Variants in PMFBP1 observed in about 807,000 individuals in gnomAD.
PMFBP1 encodes polyamine modulated factor 1 binding protein 1.
In PMFBP1, 131 loss-of-function variants were observed where a neutral mutation model predicts 137.8. The observed-to-expected ratio is 0.95, with a 90% CI of 0.82 to 1.10. The LOEUF (loss-of-function observed/expected upper bound fraction) is 1.10. Among genes scored for constraint, PMFBP1 ranks in the 50% least tolerant of loss-of-function variants. The pLI is 0.00. For synonymous variants in PMFBP1, 490 were observed against 450.4 expected, an observed-to-expected ratio of 1.09 and a Z score of -1.11; for missense variants, 1,199 against 1,175.4, an observed-to-expected ratio of 1.02 and a Z score of -0.29.
the PMFBP1 span, among the ~76,000 whole-genome samples, chr16:72,201,996 A>T: frequency 6.6e-6 from 1 of 152,188 alleles, no homozygotes; most frequent in African/African-American, 2.4e-5. Flanking sequence ...CTACCTTGTA[A>T]TAGAGTTATT....
the PMFBP1 span, among the ~76,000 whole-genome samples, chr16:72,222,733 T>C: frequency 1.3e-5 from 2 of 152,224 alleles, no homozygotes; most frequent in African/African-American, 4.8e-5. Context: ...ATAGTATTAG[T>C]ACTTACCTTG....
At chr16:72,186,301 C>T in the PMFBP1 span, among the ~76,000 whole-genome samples, 4 of 152,304 alleles carry the variant, frequency 2.6e-5, no homozygotes, top group East Asian at 5.8e-4. Context: ...TTCCAAATGG[C>T]TTCTGCTATT....
At chr16:72,249,537 C>T in the PMFBP1 span, among the ~76,000 whole-genome samples, 3 of 151,816 alleles carry the variant, frequency 2.0e-5, no homozygotes, top group Admixed American at 1.3e-4. Flanking sequence ...TAATTATTTA[C>T]TGGCACCTAC....
Position 72,138,688 on chromosome 16 carries a change from G to A in PMFBP1, c.918+601C>T, listed in dbSNP as rs541586559. On this transcript the variant is annotated intron_variant, in intron 7 of 20. Transcript: ENST00000237353. ...CCACCACCACACCTGGCTAATTTTC[G>A]TATTTTTAGTAGAGATGGAGTTTCA... is the stretch of plus-strand genomic sequence containing the variant. 1.1e-3 allele frequency among the ~76,000 whole-genome samples: 161 copies of A among 151,812 alleles called. 1 individual carries two copies. Among genetic ancestry groups the A allele is most frequent in the African/African-American group, 3.7e-3 (154 of 41,384 alleles).
At chr16:72,245,123 T>C in the PMFBP1 span, among the ~76,000 whole-genome samples, 1 of 152,200 alleles carries the variant, frequency 6.6e-6, no homozygotes, top group Non-Finnish European at 1.5e-5. Flanking sequence ...TGAGTTCAGG[T>C]AATGTTAGCA....
At chr16:72,239,904 A>G in the PMFBP1 span, among the ~76,000 whole-genome samples, 1 of 149,500 alleles carries the variant, frequency 6.7e-6, no homozygotes, top group South Asian at 2.1e-4. Flanking sequence ...AAAAAAAGAA[A>G]AAAAAAAAAA....
chr16:72,125,885 G>A (rs1276350289), intron 15 of PMFBP1, 83 bp downstream of exon 15: 6 of 1,510,486 alleles, frequency 4.0e-6, no homozygotes, highest in Middle Eastern at 4.3e-4. Flanking sequence ...CAATAGGCAG[G>A]AAATTGGCTC....
At chr16:72,226,411 C>T in the PMFBP1 span, among the ~76,000 whole-genome samples, 1 of 152,178 alleles carries the variant, frequency 6.6e-6, no homozygotes, top group African/African-American at 2.4e-5. Flanking sequence ...TAGGCTTCCA[C>T]TGCTTAGTCA....
chr16:72,128,670 T>C lies in PMFBP1; in HGVS notation c.2075A>G (p.Asp692Gly), dbSNP rs1465196273. 1 of 1,614,136 alleles carries C rather than the reference T, an allele frequency of 6.2e-7. No homozygotes were observed. Among genetic ancestry groups the C allele is most frequent in the South Asian group, 1.1e-5 (1 of 91,082 alleles). The part of the protein sequence containing the change: ...KYNTSQQVIQ[D>G]LNKEIALQKE... ...CTGTCTACTCACCTCTTTATTCAAG[T>C]CTTGGATGACTTGCTGGCTGGTGTT... is the stretch of plus-strand genomic sequence containing the variant. Residue 692 changes from aspartate (D) to glycine (G), a missense_variant, in exon 14 of 21, where the codon GAC becomes GGC. By Grantham distance (94) the Asp-to-Gly change is moderately conservative (BLOSUM62 -1). Transcript: ENST00000237353.
the PMFBP1 span, among the ~76,000 whole-genome samples, chr16:72,208,707 T>C: frequency 2.0e-5 from 3 of 152,240 alleles, no homozygotes; most frequent in Non-Finnish European, 4.4e-5. Flanking sequence ...TTTTCAACAT[T>C]GGTGCAGAAG....
intron 12 of PMFBP1, among the ~76,000 whole-genome samples, chr16:72,129,709 GGTTAA>G (rs2042518522): frequency 1.3e-5 from 2 of 152,198 alleles, no homozygotes; most frequent in African/African-American, 4.8e-5. Context: ...TTAATTTTAA[GGTTAA>G]CCATTGAAAA....
chr16:72,182,815 G>A, the PMFBP1 span, among the ~76,000 whole-genome samples: 7 of 152,132 alleles, frequency 4.6e-5, no homozygotes, highest in African/African-American at 2.4e-5. Flanking sequence ...ATGTGATATG[G>A]AGTTGCGCTG....
the PMFBP1 span, among the ~76,000 whole-genome samples, chr16:72,246,437 C>T: frequency 3.3e-5 from 5 of 152,054 alleles, no homozygotes; most frequent in African/African-American, 1.2e-4. Context: ...ATTCCAGACA[C>T]CTGGACAAGG....
the PMFBP1 span, among the ~76,000 whole-genome samples, chr16:72,193,802 C>A: frequency 6.6e-6 from 1 of 151,870 alleles, no homozygotes; most frequent in Non-Finnish European, 1.5e-5. Context: ...ATCTGTATTA[C>A]CCCAATCATA....
chr16:72,124,683 C>G (rs934644023), intron 17 of PMFBP1, 84 bp downstream of exon 17: 14 of 1,518,390 alleles, frequency 9.2e-6, no homozygotes, highest in African/African-American at 4.1e-5. Flanking sequence ...CCCACCCCCA[C>G]CAAGGGCTGT....
intron 16 of PMFBP1, 22 bp downstream of exon 16, chr16:72,125,216 C>CA (rs1432966458): frequency 6.2e-7 from 1 of 1,607,096 alleles, no homozygotes; most frequent in African/African-American, 1.3e-5. Context: ...GAAGGCAGCC[C>CA]AAGCCCCTGG....
At chr16:72,217,329 G>A in the PMFBP1 span, among the ~76,000 whole-genome samples, 13 of 152,238 alleles carry the variant, frequency 8.5e-5, no homozygotes, top group Non-Finnish European at 1.6e-4. Context: ...ACAGTACTCT[G>A]TTGTAATTTC....
At chr16:72,200,628 C>T in the PMFBP1 span, among the ~76,000 whole-genome samples, 8 of 152,242 alleles carry the variant, frequency 5.3e-5, no homozygotes, top group Non-Finnish European at 8.8e-5. Context: ...AAGGGAAGGA[C>T]AATCTGTGCT....
chr16:72,174,168 C>G (rs2043246073), upstream of PMFBP1: 1 of 152,146 alleles, frequency 6.6e-6, no homozygotes, highest in South Asian at 2.1e-4. Context: ...CTTGCAGATT[C>G]CCAAGAAACA....
Sources: allele counts gnomAD v4.1 joint callset (sites outside exome capture counted in the v4.1 genomes callset), GRCh38; gene constraint gnomAD v4.1.1; transcripts MANE v1.5; gene names NCBI Gene and HGNC (gene_info 2026-07-23, HGNC 2026-07-21).